The following COL22A1 variants were observed in gnomAD, a reference collection of about 807,000 sequenced individuals.
The protein encoded by COL22A1 is collagen type XXII alpha 1 chain.
Under a neutral mutation model 248.9 loss-of-function variants are expected in COL22A1, and 221 were observed. That is an observed-to-expected ratio of 0.89 (90% CI 0.80 to 0.99). The LOEUF is 0.99. COL22A1 is among the 50% of genes least tolerant of loss of function. The pLI is 0.00. For synonymous variants in COL22A1, 891 were observed against 793.4 expected, an observed-to-expected ratio of 1.12 and a Z score of -2.07; for missense variants, 2,240 against 2,179.0, an observed-to-expected ratio of 1.03 and a Z score of -0.56.
chr8:138,591,345 C>A, intron 64 of COL22A1, 79 bp downstream of exon 64: 2 of 1,040,978 alleles, frequency 1.9e-6, no homozygotes, highest in South Asian at 1.9e-5. Flanking sequence ...ACTGCTGAGT[C>A]CTGTGGGGCC....
chr8:138,874,932 C>T (rs1361300377), intron 3 of COL22A1, among the ~76,000 whole-genome samples: 1 of 152,198 alleles, frequency 6.6e-6, no homozygotes, highest in Non-Finnish European at 1.5e-5. Context: ...ATACTCCATC[C>T]CTTCTCAGCT....
At chr8:138,847,793 T>G in intron 3 of COL22A1, among the ~76,000 whole-genome samples, 1 of 142,586 alleles carries the variant, frequency 7.0e-6, no homozygotes, top group East Asian at 2.0e-4. Context: ...GTGGGAGGCA[T>G]AAGATTAAAA....
At chr8:138,805,209 G>A (rs1317153349) in intron 10 of COL22A1, among the ~76,000 whole-genome samples, 1 of 142,714 alleles carries the variant, frequency 7.0e-6, no homozygotes, top group East Asian at 2.2e-4. Flanking sequence ...TGTGTGATGG[G>A]GTGTGTGTGC....
chr8:138,622,573 ACTG>A (rs1329735386), intron 52 of COL22A1, among the ~76,000 whole-genome samples: 1 of 152,202 alleles, frequency 6.6e-6, no homozygotes, highest in African/African-American at 2.4e-5. Context: ...TTGTCTTCCT[ACTG>A]CTATGTCCCC....
chr8:138,677,741 A>G (rs548584528), intron 40 of COL22A1, among the ~76,000 whole-genome samples: 2 of 152,322 alleles, frequency 1.3e-5, no homozygotes, highest in Admixed American at 1.3e-4. Context: ...ACCTTTCCAA[A>G]ATCGAAATTG....
intron 1 of COL22A1, among the ~76,000 whole-genome samples, chr8:138,891,343 C>T (rs1019743720): frequency 1.3e-5 from 2 of 152,140 alleles, no homozygotes; most frequent in Non-Finnish European, 1.5e-5. Flanking sequence ...AGTGATGAAC[C>T]TGGGTTCAGG....
intron 55 of COL22A1, among the ~76,000 whole-genome samples, chr8:138,615,143 G>T (rs1050559192): frequency 6.6e-6 from 1 of 152,222 alleles, no homozygotes; most frequent in African/African-American, 2.4e-5. Flanking sequence ...CTCCAGGCAA[G>T]CTATTCCTGC....
At chr8:138,775,180 G>A (rs1394446872) in intron 16 of COL22A1, among the ~76,000 whole-genome samples, 1 of 152,166 alleles carries the variant, frequency 6.6e-6, no homozygotes, top group South Asian at 2.1e-4. Context: ...CCAGCTCTTG[G>A]GACACATTGC....
intron 45 of COL22A1, among the ~76,000 whole-genome samples, chr8:138,653,977 G>C (rs1440561308): frequency 6.6e-6 from 1 of 152,212 alleles, no homozygotes; most frequent in East Asian, 1.9e-4. Context: ...GTAGGCGCTT[G>C]CATTCCTTCT....
intron 30 of COL22A1, among the ~76,000 whole-genome samples, chr8:138,707,355 T>C (rs1828553330): frequency 6.6e-6 from 1 of 152,138 alleles, no homozygotes; most frequent in African/African-American, 2.4e-5. Context: ...TTTAGACCAA[T>C]ATCCCTGATG....
chr8:138,592,144 CAG>C (rs1343996792), intron 63 of COL22A1, among the ~76,000 whole-genome samples: 2 of 152,158 alleles, frequency 1.3e-5, no homozygotes, highest in African/African-American at 4.8e-5. Flanking sequence ...TAGTATGAAA[CAG>C]AATGCGATAA....
intron 11 of COL22A1, among the ~76,000 whole-genome samples, chr8:138,798,619 C>T (rs1816752997): frequency 6.6e-6 from 1 of 152,148 alleles, no homozygotes; most frequent in African/African-American, 2.4e-5. Flanking sequence ...TGTTTGTTAA[C>T]ACCAACCATA....
At chr8:138,847,472 C>T (rs556703958) in intron 3 of COL22A1, among the ~76,000 whole-genome samples, 1 of 152,128 alleles carries the variant, frequency 6.6e-6, no homozygotes, top group Non-Finnish European at 1.5e-5. Flanking sequence ...GTTTTCAGCC[C>T]ATGGAGAAAC....
At chr8:138,613,964 G>A in intron 55 of COL22A1, 44 bp from the exon 56 acceptor site, 1 of 1,486,776 alleles carries the variant, frequency 6.7e-7, no homozygotes, top group Non-Finnish European at 9.4e-7. Context: ...AAGTCACTGT[G>A]TGAAGGTGAT....
chr8:138,689,647 G>A (rs62527922), intron 36 of COL22A1, among the ~76,000 whole-genome samples: 9,800 of 152,122 alleles, frequency 0.064, 737 homozygotes, highest in African/African-American at 0.18. Flanking sequence ...CCCAGGAGGC[G>A]GAGCTTGCAG....
chr8:138,664,866 G>GGA (rs146828582), intron 41 of COL22A1, among the ~76,000 whole-genome samples: 2 of 151,984 alleles, frequency 1.3e-5, no homozygotes, highest in Non-Finnish European at 2.9e-5. Flanking sequence ...AAGGTCCAGA[G>GGA]GAGAGAGAGA....
intron 16 of COL22A1, among the ~76,000 whole-genome samples, chr8:138,771,704 G>A (rs1241269797): frequency 6.6e-6 from 1 of 152,212 alleles, no homozygotes; most frequent in Non-Finnish European, 1.5e-5. Flanking sequence ...TTGTGAATGT[G>A]TTAGTTATGG....
intron 10 of COL22A1, among the ~76,000 whole-genome samples, chr8:138,806,062 G>GATGGTGTATGTGTGTGATGGTGTGTGT (rs796503279): frequency 1.0e-5 from 1 of 96,594 alleles, no homozygotes; most frequent in Non-Finnish European, 2.0e-5. Flanking sequence ...AATGGTGTGT[G>GATGGTGTATGTGTGTGATGGTGTGTGT]GTGGTGTGTG....
intron 23 of COL22A1, among the ~76,000 whole-genome samples, chr8:138,732,968 C>T (rs1830817656): frequency 1.3e-5 from 2 of 152,276 alleles, no homozygotes; most frequent in African/African-American, 2.4e-5. Flanking sequence ...CAAATTCCTT[C>T]GTGACTTGGA....
Sources: gnomAD v4.1 joint callset for allele counts (sites outside exome capture counted in the v4.1 genomes callset) on GRCh38, gnomAD v4.1.1 for gene constraint, MANE v1.5 for transcripts, NCBI Gene and HGNC (gene_info 2026-07-23, HGNC 2026-07-21) for gene names.